CHODL: variants seen among roughly 807,000 people sequenced by gnomAD.
The protein encoded by CHODL is chondrolectin.
A neutral mutation model predicts 34.5 loss-of-function variants in CHODL; 29 were observed. The observed-to-expected ratio is 0.84, with a 90% CI of 0.63 to 1.15. CHODL has a LOEUF of 1.15. Ranked by LOEUF, CHODL falls within the 50% of genes most tolerant of loss-of-function variation. The pLI, the probability that CHODL is intolerant of heterozygous loss-of-function variation, is 0.00. For synonymous variants in CHODL, 125 were observed against 116.1 expected (o/e 1.08, Z -0.49); for missense variants, 332 against 332.5 (o/e 1.00, Z 0.01).
chr21:18,008,123 AATTT>A (rs1426066177), intron 1 of CHODL, among the ~76,000 whole-genome samples: 8 of 152,078 alleles, frequency 5.3e-5, no homozygotes, highest in Non-Finnish European at 7.4e-5. Context: ...TACTGTGGTG[AATTT>A]ATTTAAATAT....
At chr21:18,131,907 A>G (rs1025638675) in intron 2 of CHODL, among the ~76,000 whole-genome samples, 1 of 151,952 alleles carries the variant, frequency 6.6e-6, no homozygotes, top group African/African-American at 2.4e-5. Context: ...AAAAAGTTAC[A>G]TGGGGTACAA....
intron 2 of CHODL, among the ~76,000 whole-genome samples, chr21:18,051,403 CTT>C (rs555572070): frequency 4.3e-5 from 6 of 138,538 alleles, no homozygotes; most frequent in Non-Finnish European, 3.2e-5. Flanking sequence ...ACAGCTTTGT[CTT>C]TTTTTTTTTT....
intron 1 of CHODL, among the ~76,000 whole-genome samples, chr21:17,953,862 T>G (rs2063477315): frequency 6.6e-6 from 1 of 151,572 alleles, no homozygotes. Flanking sequence ...ATACAAACAT[T>G]AGCTGGGTGT....
intron 1 of CHODL, among the ~76,000 whole-genome samples, chr21:17,949,524 T>C (rs1740716433): frequency 6.6e-6 from 1 of 152,112 alleles, no homozygotes; most frequent in African/African-American, 2.4e-5. Flanking sequence ...AGAGATGAAG[T>C]TCCTCTTCAC....
At chr21:18,173,826 CAGGATAA>C (rs1311625017) in intron 2 of CHODL, among the ~76,000 whole-genome samples, 1 of 151,538 alleles carries the variant, frequency 6.6e-6, no homozygotes, top group Non-Finnish European at 1.5e-5. Flanking sequence ...TTGAGCTTCA[CAGGATAA>C]AGGTATCCCT....
At chr21:18,062,195 A>G (rs1210562444) in intron 2 of CHODL, among the ~76,000 whole-genome samples, 2 of 152,106 alleles carry the variant, frequency 1.3e-5, no homozygotes. Flanking sequence ...TTTGAGAATG[A>G]CAGGCAACAG....
chr21:18,142,123 C>T (rs193209762), intron 2 of CHODL, among the ~76,000 whole-genome samples: 2 of 152,014 alleles, frequency 1.3e-5, no homozygotes, highest in Non-Finnish European at 2.9e-5. Context: ...TTTGACCTAG[C>T]TAGAAAATTG....
chr21:18,265,395 T>A (rs1186051102), intron 5 of CHODL, among the ~76,000 whole-genome samples: 2 of 151,948 alleles, frequency 1.3e-5, no homozygotes, highest in Non-Finnish European at 2.9e-5. Flanking sequence ...TACTGGAGAC[T>A]GTTATTCTAA....
chr21:18,211,965 C>T (rs558513669), intron 2 of CHODL, among the ~76,000 whole-genome samples: 1 of 152,114 alleles, frequency 6.6e-6, no homozygotes, highest in African/African-American at 2.4e-5. Flanking sequence ...ACTTAGAATC[C>T]ATGCAGAAAA....
chr21:18,099,978 G>T (rs1485715043), intron 2 of CHODL: 1 of 152,068 alleles, frequency 6.6e-6, no homozygotes, highest in Non-Finnish European at 1.5e-5. Context: ...ACATATAAAG[G>T]TGCATTGCAC....
At chr21:18,131,862 T>C in intron 2 of CHODL, among the ~76,000 whole-genome samples, 1 of 152,150 alleles carries the variant, frequency 6.6e-6, no homozygotes, top group Non-Finnish European at 1.5e-5. Context: ...CCTTATTTCA[T>C]TCTTCCATTA....
intron 1 of CHODL, among the ~76,000 whole-genome samples, chr21:17,923,536 A>G (rs1391324807): frequency 1.4e-5 from 2 of 144,588 alleles, no homozygotes; most frequent in African/African-American, 2.6e-5. Context: ...ATCTCGGCTC[A>G]CTGCAACCTC....
chr21:18,248,794 A>G (rs1258182912), intron 1 of CHODL, among the ~76,000 whole-genome samples: 2 of 120,382 alleles, frequency 1.7e-5, no homozygotes, highest in Non-Finnish European at 3.2e-5. Context: ...ATATATGTAT[A>G]TGTGTGTATA....
intron 1 of CHODL, among the ~76,000 whole-genome samples, chr21:18,014,280 T>A (rs578225017): frequency 1.3e-5 from 2 of 152,258 alleles, no homozygotes; most frequent in South Asian, 4.2e-4. Flanking sequence ...ATATATACCA[T>A]GGAATACTAC....
chr21:18,076,158 A>C (rs1255690480), intron 2 of CHODL, among the ~76,000 whole-genome samples: 1 of 152,216 alleles, frequency 6.6e-6, no homozygotes. Context: ...ATACCTAAAA[A>C]TGTGGAAGTG....
At chr21:18,190,992 C>T (rs2073504296) in intron 2 of CHODL, among the ~76,000 whole-genome samples, 1 of 152,078 alleles carries the variant, frequency 6.6e-6, no homozygotes, top group Non-Finnish European at 1.5e-5. Context: ...GGTAGGTCAT[C>T]AATACTGGCT....
chr21:18,237,578 GTTC>G (rs1283242810), intron 2 of CHODL, among the ~76,000 whole-genome samples: 1 of 152,122 alleles, frequency 6.6e-6, no homozygotes, highest in Non-Finnish European at 1.5e-5. Flanking sequence ...GTTGGTTGCA[GTTC>G]TTATTATACA....
intron 2 of CHODL, among the ~76,000 whole-genome samples, chr21:18,128,296 CAAAAAAAAAAAAAAAAAAAAAAAAAAA>C (rs71189585): frequency 1.0e-3 from 28 of 28,058 alleles, no homozygotes; most frequent in Middle Eastern, 0.042. Flanking sequence ...GCAAGAGTCT[CAAAAAAAAAAAAAAAAAAAAAAAAAAA>C]AAAAAAAAAA....
At chr21:18,036,623 T>C (rs2064314300) in intron 2 of CHODL, among the ~76,000 whole-genome samples, 1 of 152,084 alleles carries the variant, frequency 6.6e-6, no homozygotes, top group Non-Finnish European at 1.5e-5. Flanking sequence ...ATCAGTCTTC[T>C]TTCCATCTTG....
Sources: gnomAD v4.1 joint callset for allele counts (sites outside exome capture counted in the v4.1 genomes callset) on GRCh38, gnomAD v4.1.1 for gene constraint, MANE v1.5 for transcripts, NCBI Gene and HGNC (gene_info 2026-07-23, HGNC 2026-07-21) for gene names.